Variants in NBEA observed in about 807,000 individuals in gnomAD.
The protein encoded by NBEA is lysosomal-trafficking regulator 2.
NBEA carries 44 observed loss-of-function variants against 343.4 expected under a neutral mutation model. The ratio of observed to expected loss-of-function variants is 0.13; its 90% CI spans 0.10 to 0.16. NBEA has a LOEUF of 0.16. Among genes scored for constraint, NBEA ranks in the 10% least tolerant of loss-of-function variants. The probability of loss-of-function intolerance (pLI) is 1.00; values close to 1 mark genes in which losing one functional copy is unlikely to be tolerated. For missense variants in NBEA, 2,555 were observed against 3,631.3 expected, an observed-to-expected ratio of 0.70 and a Z score of 7.62; for synonymous variants, 1,175 against 1,238.7, an observed-to-expected ratio of 0.95 and a Z score of 1.08.
chr13:35,591,030 C>A (rs1334381010), intron 46 of NBEA, among the ~76,000 whole-genome samples: 1 of 152,050 alleles, frequency 6.6e-6, no homozygotes, highest in Non-Finnish European at 1.5e-5. Flanking sequence ...ATACTTGGTA[C>A]AGTGCGTAAA....
intron 1 of NBEA, among the ~76,000 whole-genome samples, chr13:34,950,255 T>C (rs1291985969): frequency 6.6e-6 from 1 of 152,134 alleles, no homozygotes; most frequent in Non-Finnish European, 1.5e-5. Flanking sequence ...TTCGCTGGGG[T>C]TGCTGAAAAT....
chr13:35,651,906 T>C, intron 53 of NBEA, 30 bp downstream of exon 53: 2 of 1,209,830 alleles, frequency 1.7e-6, no homozygotes, highest in Non-Finnish European at 2.4e-6. Context: ...TAAATTTTCA[T>C]GGATACTATC....
chr13:35,346,007 A>G (rs145943487), intron 36 of NBEA, among the ~76,000 whole-genome samples: 16 of 152,204 alleles, frequency 1.1e-4, no homozygotes, highest in African/African-American at 3.8e-4. Context: ...TCGTGTAAAT[A>G]AAACATCATA....
At chr13:35,490,229 T>C (rs1594793408) in intron 41 of NBEA, among the ~76,000 whole-genome samples, 1 of 152,060 alleles carries the variant, frequency 6.6e-6, no homozygotes, top group Non-Finnish European at 1.5e-5. Context: ...TAAGTAGTTT[T>C]ATAAGCTATG....
At chr13:35,652,514 A>G (rs555306558) in intron 53 of NBEA, among the ~76,000 whole-genome samples, 529 of 148,754 alleles carry the variant, frequency 3.6e-3, no homozygotes, top group Non-Finnish European at 6.0e-3. Context: ...GGTGGCGGGC[A>G]CCTGTAGTCC....
At chr13:35,552,458 TA>T (rs1427722836) in intron 43 of NBEA, among the ~76,000 whole-genome samples, 10 of 152,306 alleles carry the variant, frequency 6.6e-5, no homozygotes, top group Admixed American at 5.2e-4. Flanking sequence ...TTATATAAAA[TA>T]CAGGTCAAAG....
intron 36 of NBEA, among the ~76,000 whole-genome samples, chr13:35,343,359 G>A (rs1594287049): frequency 1.3e-5 from 2 of 152,080 alleles, no homozygotes; most frequent in Admixed American, 6.6e-5. Context: ...AAAAAATTCA[G>A]TGAATATATA....
In NBEA at chr13:35,381,234, T is replaced by C. The variant is rs116415637; in HGVS notation, c.6179+28911T>C. ...TAGCTAACTGGTAGTTCAATTAATATGTCATTTGGGGGAATATATACTTTC... is the reference window on the plus strand; with the variant it reads ...TAGCTAACTGGTAGTTCAATTAATACGTCATTTGGGGGAATATATACTTTC... On this transcript the variant is annotated intron_variant, in intron 38 of 58. Coordinates refer to ENST00000379939, the MANE Select transcript of NBEA (RefSeq NM_001385012.1). 8.8e-3 allele frequency among the ~76,000 whole-genome samples: 1,342 copies of C among 152,218 alleles called. 22 individuals are homozygous for C. The highest frequency in any genetic ancestry group is 0.031 in the African/African-American group (1,276 of 41,546).
At chr13:35,245,774 A>AT (rs1406238673) in intron 34 of NBEA, among the ~76,000 whole-genome samples, 1 of 152,010 alleles carries the variant, frequency 6.6e-6, no homozygotes, top group Non-Finnish European at 1.5e-5. Context: ...AGGTGATGAT[A>AT]TTTTTGCAAT....
chr13:35,581,878 T>C (rs1249575340), intron 45 of NBEA, among the ~76,000 whole-genome samples: 3 of 97,958 alleles, frequency 3.1e-5, no homozygotes, highest in African/African-American at 8.0e-5. Context: ...AAACTTAAAG[T>C]ATAATTAAAA....
chr13:35,249,521 CAAG>C (rs1335411728), intron 34 of NBEA, among the ~76,000 whole-genome samples: 7 of 152,014 alleles, frequency 4.6e-5, no homozygotes, highest in African/African-American at 1.7e-4. Flanking sequence ...CCATTAAGCA[CAAG>C]AAGAAACCTT....
chr13:35,421,165 G>C (rs1221893845), intron 38 of NBEA, among the ~76,000 whole-genome samples: 2 of 151,936 alleles, frequency 1.3e-5, no homozygotes, highest in African/African-American at 4.8e-5. Context: ...TGTCCAACAA[G>C]TGTTGATATT....
intron 52 of NBEA, among the ~76,000 whole-genome samples, chr13:35,651,327 C>G (rs1364425469): frequency 6.6e-6 from 1 of 152,026 alleles, no homozygotes; most frequent in South Asian, 2.1e-4. Context: ...GGATGGGAGC[C>G]CCAGCTTCCT....
chr13:35,524,131 A>G (rs1422377869), intron 41 of NBEA, among the ~76,000 whole-genome samples: 2 of 152,194 alleles, frequency 1.3e-5, no homozygotes, highest in East Asian at 3.8e-4. Flanking sequence ...TTCTTGGGGC[A>G]CTGGAAAGAG....
At chr13:35,237,771 CTTTAT>C (rs949180424) in intron 34 of NBEA, among the ~76,000 whole-genome samples, 2 of 152,040 alleles carry the variant, frequency 1.3e-5, no homozygotes, top group Non-Finnish European at 2.9e-5. Context: ...TGAATTGCCT[CTTTAT>C]TTTATGTTTT....
At chr13:35,163,058 T>G (rs2069694835) in intron 23 of NBEA, among the ~76,000 whole-genome samples, 1 of 152,122 alleles carries the variant, frequency 6.6e-6, no homozygotes, top group Admixed American at 6.6e-5. Flanking sequence ...GGAGATAAAT[T>G]ATGTAATTTG....
chr13:35,061,296 A>G (rs1466131202), intron 8 of NBEA, among the ~76,000 whole-genome samples: 2 of 151,718 alleles, frequency 1.3e-5, no homozygotes, highest in Non-Finnish European at 3.0e-5. Flanking sequence ...TATTAACTAA[A>G]TCATTCAGTT....
At chr13:35,073,522 C>A (rs1419357888) in intron 10 of NBEA, among the ~76,000 whole-genome samples, 1 of 152,134 alleles carries the variant, frequency 6.6e-6, no homozygotes, top group Admixed American at 6.6e-5. Context: ...ACATAGTTTT[C>A]TCTACTAAGT....
At chr13:35,228,113 G>A (rs903066205) in intron 33 of NBEA, among the ~76,000 whole-genome samples, 12 of 151,822 alleles carry the variant, frequency 7.9e-5, no homozygotes, top group Admixed American at 3.9e-4. Context: ...TTATTCATAC[G>A]AATTTCTTAG....
Sources: allele counts gnomAD v4.1 joint callset (sites outside exome capture counted in the v4.1 genomes callset), GRCh38; gene constraint gnomAD v4.1.1; transcripts MANE v1.5; gene names NCBI Gene and HGNC (gene_info 2026-07-23, HGNC 2026-07-21).